Variants in CPNE8 observed in about 807,000 individuals in gnomAD.
The protein encoded by CPNE8 is copine-8.
Under a neutral mutation model 81.5 loss-of-function variants are expected in CPNE8, and 45 were observed. That is an observed-to-expected ratio of 0.55 (90% CI 0.44 to 0.71). The LOEUF (loss-of-function observed/expected upper bound fraction) is 0.71, where lower values mean the gene tolerates loss of function less well. Among genes scored for constraint, CPNE8 ranks in the 30% least tolerant of loss-of-function variants. The pLI is 0.00. For synonymous variants in CPNE8, 252 were observed against 226.3 expected, an observed-to-expected ratio of 1.11 and a Z score of -1.02; for missense variants, 594 against 672.1, an observed-to-expected ratio of 0.88 and a Z score of 1.28.
At chr12:38,834,774 T>C (rs903431383) in intron 5 of CPNE8, among the ~76,000 whole-genome samples, 1 of 152,108 alleles carries the variant, frequency 6.6e-6, no homozygotes, top group Non-Finnish European at 1.5e-5. Context: ...AATCTCTCCA[T>C]CATCTGATTC....
intron 4 of CPNE8, among the ~76,000 whole-genome samples, chr12:38,845,404 T>C (rs1315198082): frequency 6.6e-6 from 1 of 152,162 alleles, no homozygotes; most frequent in African/African-American, 2.4e-5. Context: ...TTAATCTCTG[T>C]ATGTATTTAC....
At chr12:38,729,048 C>T (rs1940771104) in intron 11 of CPNE8, among the ~76,000 whole-genome samples, 1 of 152,106 alleles carries the variant, frequency 6.6e-6, no homozygotes, top group Middle Eastern at 3.4e-3. Flanking sequence ...CTGACTGAAA[C>T]CAGTGATGAG....
chr12:38,828,404 A>G (rs1943234029), intron 6 of CPNE8, among the ~76,000 whole-genome samples: 1 of 152,198 alleles, frequency 6.6e-6, no homozygotes, highest in Non-Finnish European at 1.5e-5. Context: ...ATTCGGTAAT[A>G]ATTTTCTAAG....
intron 1 of CPNE8, among the ~76,000 whole-genome samples, chr12:38,897,535 A>C (rs1944405086): frequency 6.6e-6 from 1 of 151,848 alleles, no homozygotes; most frequent in South Asian, 2.1e-4. Context: ...TATTTCCAAA[A>C]ACTAATAACA....
At chr12:38,708,948 TG>T (rs1452940991) in intron 13 of CPNE8, among the ~76,000 whole-genome samples, 1 of 152,200 alleles carries the variant, frequency 6.6e-6, no homozygotes, top group Non-Finnish European at 1.5e-5. Flanking sequence ...TTGCACAAAC[TG>T]AACTTTGTAA....
chr12:38,790,027 A>G (rs1942286005), intron 6 of CPNE8, among the ~76,000 whole-genome samples: 1 of 151,824 alleles, frequency 6.6e-6, no homozygotes, highest in Non-Finnish European at 1.5e-5. Flanking sequence ...ACTACGGAGA[A>G]CACTTTGGGG....
In CPNE8 at chr12:38,653,728, G is replaced by A. The variant is rs1000401597; in HGVS notation, c.*154C>T. The A allele has an allele frequency of 8.5e-7, 1 of 1,170,136 alleles. No individual in the cohort carries two copies. Among genetic ancestry groups the A allele is most frequent in the Non-Finnish European group, 1.1e-6 (1 of 896,338 alleles). The allele number at this position is 1,170,136 out of a possible 1,614,324, so 72.5% of individuals were successfully genotyped here. On this transcript the variant is annotated 3_prime_UTR_variant, in exon 20 of 20. Coordinates refer to ENST00000331366, the MANE Select transcript of CPNE8 (RefSeq NM_153634.3). Reference sequence around the variant, plus strand: ...AACCATATTTACAGTTTTGGTTTAGGAAGATATTTAAATTTGGATCCAAGA... The same window carrying A: ...AACCATATTTACAGTTTTGGTTTAGAAAGATATTTAAATTTGGATCCAAGA...
intron 10 of CPNE8, among the ~76,000 whole-genome samples, chr12:38,760,191 G>A (rs1592066207): frequency 6.6e-6 from 1 of 152,094 alleles, no homozygotes; most frequent in Middle Eastern, 3.4e-3. Flanking sequence ...GCAGTCTAGG[G>A]CAAAATGGGA....
At chr12:38,666,240 A>G (rs1171685462) in intron 19 of CPNE8, among the ~76,000 whole-genome samples, 2 of 152,092 alleles carry the variant, frequency 1.3e-5, no homozygotes, top group Non-Finnish European at 2.9e-5. Flanking sequence ...GATCTTAATA[A>G]TTTTCTTTAT....
intron 1 of CPNE8, among the ~76,000 whole-genome samples, chr12:38,889,278 G>C (rs1418398254): frequency 1.3e-5 from 2 of 152,150 alleles, no homozygotes; most frequent in Non-Finnish European, 2.9e-5. Flanking sequence ...ACAAATTAGA[G>C]AAAGGGAGGG....
At chr12:38,739,336 G>C (rs114031272) in intron 10 of CPNE8, among the ~76,000 whole-genome samples, 2 of 152,040 alleles carry the variant, frequency 1.3e-5, no homozygotes, top group African/African-American at 4.8e-5. Flanking sequence ...ACCAAATGAG[G>C]CTCCCGGAAA....
rs139175093 is a variant in CPNE8 at position 38,733,974 on chromosome 12, A to G, written c.723-3616T>C. ...CCTTATATCACTTATCTTTTACTCT[A>G]CAGCTCAGCTATGATATCCTCCAAG... On this transcript the variant is annotated intron_variant, in intron 10 of 19. Coordinates refer to ENST00000331366, the MANE Select transcript of CPNE8 (RefSeq NM_153634.3). Among the ~76,000 whole-genome samples, 708 of 151,814 alleles carry G rather than the reference A, an allele frequency of 4.7e-3. 4 individuals are homozygous for G. The highest frequency in any genetic ancestry group is 0.016 in the African/African-American group (660 of 41,462).
chr12:38,833,124 G>A (rs533980864), intron 5 of CPNE8, among the ~76,000 whole-genome samples: 10 of 151,962 alleles, frequency 6.6e-5, no homozygotes, highest in African/African-American at 1.9e-4. Flanking sequence ...AGGCCGAGGC[G>A]GGCGGATCAC....
chr12:38,783,757 G>A (rs544103895), intron 6 of CPNE8, among the ~76,000 whole-genome samples: 1 of 152,270 alleles, frequency 6.6e-6, no homozygotes, highest in East Asian at 1.9e-4. Flanking sequence ...TACAGATTTT[G>A]TCCAAGACTA....
chr12:38,706,976 G>A (rs958621516), intron 13 of CPNE8, among the ~76,000 whole-genome samples: 8 of 152,138 alleles, frequency 5.3e-5, no homozygotes, highest in Non-Finnish European at 1.0e-4. Flanking sequence ...ACAAAGAAAA[G>A]TTATGGCTAT....
chr12:38,797,497 T>A (rs1942520383), intron 6 of CPNE8, among the ~76,000 whole-genome samples: 1 of 152,054 alleles, frequency 6.6e-6, no homozygotes, highest in Non-Finnish European at 1.5e-5. Context: ...TCCTGTCTGT[T>A]AGAAGGAAAA....
At chr12:38,777,838 T>A (rs1480301947) in intron 6 of CPNE8, among the ~76,000 whole-genome samples, 1 of 152,142 alleles carries the variant, frequency 6.6e-6, no homozygotes, top group Non-Finnish European at 1.5e-5. Flanking sequence ...AAGCTGAGCC[T>A]CATCTGTTTT....
At chr12:38,838,843 C>T (rs958335690) in intron 5 of CPNE8, among the ~76,000 whole-genome samples, 3 of 152,204 alleles carry the variant, frequency 2.0e-5, no homozygotes, top group Admixed American at 2.0e-4. Flanking sequence ...TTTTTACCAC[C>T]ATACGTATCC....
chr12:38,721,025 C>T (rs1940550725), intron 13 of CPNE8: 1 of 152,744 alleles, frequency 6.5e-6, no homozygotes, highest in African/African-American at 2.4e-5. Flanking sequence ...AGTGCCTACT[C>T]CCACTGCCTG....
Sources: gnomAD v4.1 joint callset for allele counts (sites outside exome capture counted in the v4.1 genomes callset) on GRCh38, gnomAD v4.1.1 for gene constraint, MANE v1.5 for transcripts, NCBI Gene and HGNC (gene_info 2026-07-23, HGNC 2026-07-21) for gene names.